Variants in HHLA1 observed in about 807,000 individuals in gnomAD.
HHLA1 encodes HHLA1 neighbor of OC90, also known as HERV-H LTR-associating protein 1.
HHLA1 carries 72 observed loss-of-function variants against 69.9 expected under a neutral mutation model. The observed-to-expected ratio is 1.03, with a 90% confidence interval of 0.85 to 1.25. HHLA1 has a LOEUF of 1.25. Ranked by LOEUF, HHLA1 falls within the 50% of genes most tolerant of loss-of-function variation. The pLI is 0.00. For synonymous variants in HHLA1, 252 were observed against 233.2 expected, an observed-to-expected ratio of 1.08 and a Z score of -0.73; for missense variants, 685 against 642.2, an observed-to-expected ratio of 1.07 and a Z score of -0.72.
At chr8:132,084,194 G>A (rs1310611904) in intron 10 of HHLA1, among the ~76,000 whole-genome samples, 1 of 152,144 alleles carries the variant, frequency 6.6e-6, no homozygotes, top group Non-Finnish European at 1.5e-5. Flanking sequence ...GAAACTGTAA[G>A]CCGGACCAGG....
intron 3 of HHLA1, among the ~76,000 whole-genome samples, chr8:132,102,440 G>A (rs989219391): frequency 1.3e-5 from 2 of 152,338 alleles, no homozygotes; most frequent in African/African-American, 4.8e-5. Flanking sequence ...TGGAGGCAAC[G>A]GGCTTATGTC....
chr8:132,079,926 T>G lies in HHLA1; in HGVS notation c.717A>C (p.Thr239=), dbSNP rs1823716057. The change falls in exon 11 of 17, where the codon ACA becomes ACC. Residue 239 remains threonine, a synonymous_variant. Coordinates refer to ENST00000414222, the MANE Select transcript of HHLA1 (RefSeq NM_001145095.3). ...TTGGTAGTGTTTTCTGGCTTTTGGTTGTGGGCTTTGAAGTCCTGGCAGTTC... is the reference window on the plus strand; with the variant it reads ...TTGGTAGTGTTTTCTGGCTTTTGGTGGTGGGCTTTGAAGTCCTGGCAGTTC... The part of the protein sequence containing the change: ...TRGTARTSKP[T]TKSQKTLPST... 6 of 1,552,308 alleles carry G rather than the reference T, an allele frequency of 3.9e-6. No individual in the cohort carries two copies. The African/African-American group carries it at 6.8e-5, about 18-fold the overall frequency.
chr8:132,103,391 G>C (rs866786079), intron 3 of HHLA1, among the ~76,000 whole-genome samples: 1 of 152,222 alleles, frequency 6.6e-6, no homozygotes. Context: ...GCCGAGGCAA[G>C]TGGATCCCCT....
intron 10 of HHLA1, chr8:132,080,467 T>C: frequency 3.8e-6 from 1 of 261,044 alleles, no homozygotes; most frequent in Non-Finnish European, 7.4e-6. Flanking sequence ...GGGGTGCTTT[T>C]TGAGCCAGGA....
chr8:132,100,224 T>C, intron 3 of HHLA1, 90 bp from the exon 4 acceptor site: 2 of 920,874 alleles, frequency 2.2e-6, no homozygotes, highest in South Asian at 1.4e-5. Flanking sequence ...CTCTTTGGCC[T>C]CTGCTCTCCG....
intron 15 of HHLA1, chr8:132,069,739 T>G (rs10505585): frequency 0.25 from 38,477 of 151,790 alleles, 5,215 homozygotes; most frequent in South Asian, 0.44. Flanking sequence ...TTATGACCAT[T>G]TCTTCCTTCC....
intron 15 of HHLA1, among the ~76,000 whole-genome samples, chr8:132,068,678 A>G (rs538530560): frequency 3.9e-5 from 6 of 152,358 alleles, no homozygotes; most frequent in Non-Finnish European, 5.9e-5. Flanking sequence ...GTCTATCTAA[A>G]TTCCTAGCAG....
In HHLA1 at chr8:132,062,299, G is replaced by T. The variant is rs1477651737; in HGVS notation, c.*1696C>A. On this transcript the variant is annotated 3_prime_UTR_variant, in exon 17 of 17. Coordinates refer to ENST00000414222, the MANE Select transcript of HHLA1 (RefSeq NM_001145095.3). Reference sequence around the variant, plus strand: ...TTTCAAGTGTTCTGGAGAATAAAAAGAAATCTTTCTGCATATGATTAGAAA... The same window carrying T: ...TTTCAAGTGTTCTGGAGAATAAAAATAAATCTTTCTGCATATGATTAGAAA... The T allele has an allele frequency of 6.6e-6, 1 of 152,158 alleles. No homozygotes were observed. Among genetic ancestry groups the T allele is most frequent in the Non-Finnish European group, 1.5e-5 (1 of 68,030 alleles). The allele number at this position is 152,158 out of a possible 1,614,324, so 9.4% of individuals were successfully genotyped here.
chr8:132,095,631 C>A (rs1824010893), intron 6 of HHLA1, 29 bp from the exon 7 acceptor site: 1 of 1,533,718 alleles, frequency 6.5e-7, no homozygotes, highest in South Asian at 1.2e-5. Context: ...CAACAGAGAT[C>A]CTAACACACA....
In HHLA1 at chr8:132,103,942, T is replaced by C. The variant is rs2130900857; in HGVS notation, c.139+166A>G. ...ATTTATTAAGATCACAAGGATTCAA[T>C]GAACCATAAAGAAATGAGTAGCTCA... On this transcript the variant is annotated intron_variant, in intron 3 of 16. Coordinates refer to ENST00000414222, the MANE Select transcript of HHLA1 (RefSeq NM_001145095.3). 5 of 575,606 alleles carry C rather than the reference T, an allele frequency of 8.7e-6. No individual in the cohort carries two copies. The South Asian group carries it at 1.3e-4, about 15-fold the overall frequency. The allele number at this position is 575,606 out of a possible 1,614,324, so 35.7% of individuals were successfully genotyped here.
chr8:132,066,003 A>G (rs546239096), intron 15 of HHLA1, 35 bp from the exon 16 acceptor site: 3 of 948,832 alleles, frequency 3.2e-6, no homozygotes, highest in East Asian at 6.1e-5. Context: ...AGCAATAACT[A>G]TCCTGTGATG....
intron 8 of HHLA1, 45 bp downstream of exon 8, chr8:132,089,471 A>G: frequency 9.9e-7 from 1 of 1,010,226 alleles, no homozygotes; most frequent in South Asian, 1.4e-5. Context: ...ACCACAACAG[A>G]TGCTAAACCT....
intron 10 of HHLA1, among the ~76,000 whole-genome samples, chr8:132,083,558 G>A (rs573839587): frequency 1.1e-4 from 17 of 152,314 alleles, no homozygotes; most frequent in South Asian, 6.2e-4. Context: ...TTGGGCCAGC[G>A]TTCCAAGGGC....
At chr8:132,107,275 G>A (rs1002785723) in intron 1 of HHLA1, among the ~76,000 whole-genome samples, 3 of 152,028 alleles carry the variant, frequency 2.0e-5, no homozygotes, top group Admixed American at 6.6e-5. Flanking sequence ...CATTTACTAA[G>A]AGTAAACATT....
chr8:132,101,242 T>G (rs1252929641), intron 3 of HHLA1: 2 of 1,550,318 alleles, frequency 1.3e-6, no homozygotes, highest in African/African-American at 2.7e-5. Context: ...ATGTCCCATC[T>G]TTTTCCTTCT....
At chr8:132,074,452 T>C (rs1470738132) in intron 14 of HHLA1, among the ~76,000 whole-genome samples, 2 of 152,176 alleles carry the variant, frequency 1.3e-5, no homozygotes, top group African/African-American at 4.8e-5. Context: ...GAACTCACCA[T>C]AATTCCTGAA....
At chr8:132,071,639 T>A in intron 14 of HHLA1, 146 bp from the exon 15 acceptor site, 7 of 704,838 alleles carry the variant, frequency 9.9e-6, no homozygotes, top group Non-Finnish European at 1.6e-5. Flanking sequence ...TTCCTCACCA[T>A]TACCCAATAA....
chr8:132,082,308 C>T (rs1823766319), intron 10 of HHLA1, among the ~76,000 whole-genome samples: 1 of 152,216 alleles, frequency 6.6e-6, no homozygotes, highest in African/African-American at 2.4e-5. Flanking sequence ...ATTAAAGCAG[C>T]AGCAGCCGCT....
rs1001132566 is a variant in HHLA1, at chr8:132,087,677, T to G, written c.652A>C (p.Thr218Pro). 1 of 1,551,364 alleles carries G rather than the reference T, an allele frequency of 6.4e-7. No homozygotes were observed. Among genetic ancestry groups the G allele is most frequent in the Non-Finnish European group, 8.7e-7 (1 of 1,146,828 alleles). Reference protein sequence around the residue: ...EKYPIINYTFTSGLSGVLGAA... With the variant: ...EKYPIINYTFPSGLSGVLGAA... ...CCCAGAACACCAGACAAGCCGCTGG[T>G]AAATGTGTAATTGATAATGGGATAT... The change falls in exon 10 of 17, where the codon ACC (threonine) becomes CCC (proline). Residue 218 changes from threonine (T) to proline (P), a missense_variant. Thr to Pro is a conservative substitution (Grantham distance 38). Transcript: ENST00000414222.
Sources: gnomAD v4.1 joint callset for allele counts (sites outside exome capture counted in the v4.1 genomes callset) on GRCh38, gnomAD v4.1.1 for gene constraint, MANE v1.5 for transcripts, NCBI Gene and HGNC (gene_info 2026-07-23, HGNC 2026-07-21) for gene names.